Variants in LY96 observed in about 807,000 individuals in gnomAD.
LY96 encodes lymphocyte antigen 96.
LY96 carries 18 observed loss-of-function variants against 18.9 expected under a neutral mutation model. The ratio of observed to expected loss-of-function variants is 0.95; its 90% CI spans 0.66 to 1.41. LY96 has a LOEUF of 1.41. Among genes scored for constraint, LY96 ranks in the 40% most tolerant of loss-of-function variants. The pLI is 0.00. For missense variants in LY96, 175 were observed against 182.4 expected (o/e 0.96, Z 0.23); for synonymous variants, 66 against 62.6 (o/e 1.06, Z -0.26).
chr8:74,012,830 A>T (rs1211471170), intron 3 of LY96, among the ~76,000 whole-genome samples: 1 of 152,046 alleles, frequency 6.6e-6, no homozygotes, highest in Admixed American at 6.6e-5. Flanking sequence ...ATTATTGTAA[A>T]TTTTTTGTAA....
At chr8:74,027,822 G>A (rs891677459) in intron 4 of LY96, among the ~76,000 whole-genome samples, 3 of 152,140 alleles carry the variant, frequency 2.0e-5, no homozygotes, top group Non-Finnish European at 4.4e-5. Context: ...GAGTCCTGAA[G>A]ACCTTCATCT....
the LY96 span, among the ~76,000 whole-genome samples, chr8:74,052,143 T>G: frequency 6.6e-6 from 1 of 151,170 alleles, no homozygotes; most frequent in Admixed American, 6.6e-5. Flanking sequence ...GAAGGAGGTT[T>G]TTGTGGATGG....
the LY96 span, among the ~76,000 whole-genome samples, chr8:74,074,061 A>C: frequency 6.6e-6 from 1 of 152,020 alleles, no homozygotes; most frequent in Non-Finnish European, 1.5e-5. Flanking sequence ...GCAGTGGCGC[A>C]ATCTCAGCTC....
chr8:74,014,289 C>T (rs1046187623), intron 3 of LY96, among the ~76,000 whole-genome samples: 1 of 150,606 alleles, frequency 6.6e-6, no homozygotes, highest in South Asian at 2.1e-4. Flanking sequence ...TGGTACCAGC[C>T]TTTAGTCCAG....
the LY96 span, among the ~76,000 whole-genome samples, chr8:74,082,310 T>C: frequency 6.6e-6 from 1 of 152,230 alleles, no homozygotes; most frequent in African/African-American, 2.4e-5. Flanking sequence ...ATTTTTCTTC[T>C]GGTTGAGCAT....
At chr8:74,079,239 G>A in the LY96 span, among the ~76,000 whole-genome samples, 2 of 152,126 alleles carry the variant, frequency 1.3e-5, no homozygotes, top group African/African-American at 4.8e-5. Flanking sequence ...CTCACACTCA[G>A]GCTGGAATTA....
chr8:74,074,465 T>G, the LY96 span, among the ~76,000 whole-genome samples: 9 of 152,166 alleles, frequency 5.9e-5, no homozygotes, highest in Non-Finnish European at 1.2e-4. Flanking sequence ...TGTTTTATAT[T>G]GTTTTCATTT....
rs1416958298 is a variant in LY96, at chr8:74,002,047, C to CT, written c.113-2747dup. 1.3e-3 allele frequency among the ~76,000 whole-genome samples: 49 copies of CT among 36,788 alleles called. 6 individuals carry two copies. The highest frequency in any genetic ancestry group is 7.3e-4 in the Admixed American group (2 of 2,756). 24.1% of individuals were successfully genotyped at this position (36,788 alleles called of 152,430 possible). A position where few individuals can be genotyped will look rare whatever the true frequency, so the allele number is the denominator to read the frequency against. ...CCTTCCTTCCTTCCTTCCTTCCTTC[C>CT]TTCCTTCCTTCCTTCCTTCCTTCCT... is the stretch of plus-strand genomic sequence containing the variant. On this transcript the variant is annotated intron_variant, in intron 1 of 4. Transcript: ENST00000284818.
chr8:74,089,572 G>A, the LY96 span, among the ~76,000 whole-genome samples: 2 of 152,182 alleles, frequency 1.3e-5, no homozygotes, highest in Non-Finnish European at 2.9e-5. Context: ...AAGTGGATGA[G>A]ATTTTATTTG....
the LY96 span, among the ~76,000 whole-genome samples, chr8:74,079,973 A>G: frequency 6.6e-6 from 1 of 152,202 alleles, no homozygotes; most frequent in African/African-American, 2.4e-5. Context: ...GGGATACTCC[A>G]ATGAGGACAG....
At chr8:74,046,368 A>G in the LY96 span, among the ~76,000 whole-genome samples, 1 of 152,192 alleles carries the variant, frequency 6.6e-6, no homozygotes, top group East Asian at 1.9e-4. Flanking sequence ...CGCAGTCAAC[A>G]TTTGACAACT....
chr8:74,068,872 C>T, the LY96 span, among the ~76,000 whole-genome samples: 27 of 150,708 alleles, frequency 1.8e-4, no homozygotes, highest in African/African-American at 6.5e-4. Context: ...TCTCAGCTCA[C>T]GCATCCTCCG....
At chr8:74,097,834 T>TAGTAGA in the LY96 span, among the ~76,000 whole-genome samples, 1 of 152,310 alleles carries the variant, frequency 6.6e-6, no homozygotes, top group East Asian at 1.9e-4. Flanking sequence ...AGGGGCTTGT[T>TAGTAGA]ATAGTAGAAA....
At chr8:74,063,653 C>A in the LY96 span, among the ~76,000 whole-genome samples, 2 of 151,926 alleles carry the variant, frequency 1.3e-5, no homozygotes, top group East Asian at 3.8e-4. Flanking sequence ...TATAATATAT[C>A]TATTTATTTA....
At chr8:73,999,259 C>T (rs1816215490) in intron 1 of LY96, among the ~76,000 whole-genome samples, 1 of 150,752 alleles carries the variant, frequency 6.6e-6, no homozygotes, top group Non-Finnish European at 1.5e-5. Flanking sequence ...TGTGAGCCAC[C>T]ACACCTGGCA....
rs772448676 is a variant in LY96, at chr8:73,991,566, C to T, written c.112+12C>T. On this transcript the variant is annotated intron_variant, in intron 1 of 4. Coordinates refer to ENST00000284818, the MANE Select transcript of LY96 (RefSeq NM_015364.5). Reference sequence around the variant, plus strand: ...ATACACCTACTGTGGTAAGTAAAACCGCAAAACAAATAATTGTAGCATCAA... The same window carrying T: ...ATACACCTACTGTGGTAAGTAAAACTGCAAAACAAATAATTGTAGCATCAA... 79 of 1,446,612 alleles carry T rather than the reference C, an allele frequency of 5.5e-5. No individual in the cohort carries two copies. The highest frequency in any genetic ancestry group is 5.2e-4 in the Middle Eastern group (3 of 5,750). 89.6% of individuals were successfully genotyped at this position (1,446,612 alleles called of 1,614,324 possible).
At chr8:74,088,834 C>A in the LY96 span, among the ~76,000 whole-genome samples, 1 of 152,212 alleles carries the variant, frequency 6.6e-6, no homozygotes, top group Admixed American at 6.5e-5. Context: ...GATCAGCCTG[C>A]CTCGGTCTCC....
the LY96 span, among the ~76,000 whole-genome samples, chr8:74,034,931 C>T: frequency 1.3e-5 from 2 of 152,158 alleles, no homozygotes; most frequent in Non-Finnish European, 2.9e-5. Flanking sequence ...GCCTACTGAG[C>T]TGTTATGTGA....
chr8:74,016,251 T>C (rs562403578), intron 3 of LY96, among the ~76,000 whole-genome samples: 7 of 152,360 alleles, frequency 4.6e-5, no homozygotes, highest in African/African-American at 1.4e-4. Flanking sequence ...CACAGAGCCT[T>C]GCTCACTGCT....
Sources: allele counts gnomAD v4.1 joint callset (sites outside exome capture counted in the v4.1 genomes callset), GRCh38; gene constraint gnomAD v4.1.1; transcripts MANE v1.5; gene names NCBI Gene and HGNC (gene_info 2026-07-23, HGNC 2026-07-21).